Variants in CADM2 observed in about 807,000 individuals in gnomAD.
CADM2 encodes immunoglobulin superfamily member 4D.
A neutral mutation model predicts 49.8 loss-of-function variants in CADM2; 12 were observed. The ratio of observed to expected loss-of-function variants is 0.24; its 90% CI spans 0.15 to 0.39. CADM2 has a LOEUF of 0.39. CADM2 is among the 10% of genes least tolerant of loss of function. The probability of loss-of-function intolerance (pLI) is 1.00; values close to 1 mark genes in which losing one functional copy is unlikely to be tolerated. For missense variants in CADM2, 378 were observed against 492.3 expected (o/e 0.77, Z 2.20); for synonymous variants, 214 against 175.4 (o/e 1.22, Z -1.74).
intron 2 of CADM2, among the ~76,000 whole-genome samples, chr3:85,728,585 A>G (rs1374198204): frequency 6.6e-6 from 1 of 152,174 alleles, no homozygotes; most frequent in East Asian, 1.9e-4. Context: ...AAGATAATAT[A>G]AGAGCAGATG....
chr3:85,411,173 C>CTGAT (rs1322885051), intron 1 of CADM2, among the ~76,000 whole-genome samples: 1 of 152,008 alleles, frequency 6.6e-6, no homozygotes, highest in Non-Finnish European at 1.5e-5. Context: ...TGTGTGGTGG[C>CTGAT]TGATAGAGTG....
chr3:85,812,369 A>C (rs1450142022), intron 3 of CADM2, among the ~76,000 whole-genome samples: 1 of 151,988 alleles, frequency 6.6e-6, no homozygotes, highest in Non-Finnish European at 1.5e-5. Flanking sequence ...TTATAACTGA[A>C]CTATGTACCA....
intron 1 of CADM2, among the ~76,000 whole-genome samples, chr3:85,601,364 A>G (rs2063399965): frequency 1.3e-5 from 2 of 150,820 alleles, no homozygotes; most frequent in African/African-American, 4.8e-5. Context: ...TTTTTATCAG[A>G]TGGGTATTTA....
At chr3:85,938,920 T>A (rs1721494865) in intron 7 of CADM2, among the ~76,000 whole-genome samples, 1 of 152,046 alleles carries the variant, frequency 6.6e-6, no homozygotes, top group South Asian at 2.1e-4. Context: ...ACATTTAATC[T>A]GTGGTCAAAA....
chr3:85,016,790 C>T (rs1394443708), intron 1 of CADM2, among the ~76,000 whole-genome samples: 1 of 142,012 alleles, frequency 7.0e-6, no homozygotes, highest in African/African-American at 2.8e-5. Flanking sequence ...AAGTCTCCAT[C>T]TAAAAAAAAA....
At chr3:85,771,532 A>T (rs957429112) in intron 2 of CADM2, among the ~76,000 whole-genome samples, 2 of 152,100 alleles carry the variant, frequency 1.3e-5, no homozygotes, top group African/African-American at 2.4e-5. Flanking sequence ...AATTAGTTTT[A>T]GCTTTTGAAT....
At chr3:85,824,919 G>T (rs766008747) in intron 3 of CADM2, among the ~76,000 whole-genome samples, 1 of 152,028 alleles carries the variant, frequency 6.6e-6, no homozygotes, top group Non-Finnish European at 1.5e-5. Context: ...TTGAGTAGGG[G>T]TTAATGATAA....
intron 1 of CADM2, among the ~76,000 whole-genome samples, chr3:85,677,485 A>C (rs2065917669): frequency 6.6e-6 from 1 of 152,188 alleles, no homozygotes; most frequent in Non-Finnish European, 1.5e-5. Flanking sequence ...TTTGAAATTT[A>C]TTGTTGTATA....
intron 8 of CADM2, among the ~76,000 whole-genome samples, chr3:85,973,207 A>G (rs1464153284): frequency 6.6e-6 from 1 of 151,734 alleles, no homozygotes; most frequent in Admixed American, 6.6e-5. Context: ...TGTTATTGAT[A>G]AAGCACCTGT....
At chr3:85,430,021 GGAAATTTTGA>G (rs1007007602) in intron 1 of CADM2, among the ~76,000 whole-genome samples, 1 of 152,046 alleles carries the variant, frequency 6.6e-6, no homozygotes, top group Non-Finnish European at 1.5e-5. Context: ...GATTAGATGG[GGAAATTTTGA>G]ATGAACACAT....
At chr3:85,898,367 G>A (rs764770405) in intron 5 of CADM2, among the ~76,000 whole-genome samples, 7 of 151,982 alleles carry the variant, frequency 4.6e-5, no homozygotes, top group African/African-American at 1.7e-4. Context: ...CTGTAGTAGT[G>A]AAACCATCAC....
intron 1 of CADM2, among the ~76,000 whole-genome samples, chr3:85,024,614 TTACTATGATATCGA>T (rs1436119164): frequency 6.6e-6 from 1 of 151,974 alleles, no homozygotes; most frequent in Non-Finnish European, 1.5e-5. Context: ...TTATGAGATG[TTACTATGATATCGA>T]TTTACAGTCA....
intron 1 of CADM2, among the ~76,000 whole-genome samples, chr3:85,248,396 T>C (rs2042698601): frequency 6.6e-6 from 1 of 152,154 alleles, no homozygotes; most frequent in Non-Finnish European, 1.5e-5. Context: ...TGCCTCAGCC[T>C]TCCCAGTAGC....
intron 7 of CADM2, among the ~76,000 whole-genome samples, chr3:85,944,030 C>T (rs184787984): frequency 9.3e-4 from 141 of 152,100 alleles, no homozygotes; most frequent in African/African-American, 3.2e-3. Context: ...GGAAACCCAT[C>T]TCACCTATAG....
chr3:85,402,389 A>T (rs569849381), intron 1 of CADM2, among the ~76,000 whole-genome samples: 3 of 152,120 alleles, frequency 2.0e-5, no homozygotes, highest in Non-Finnish European at 2.9e-5. Flanking sequence ...ATTGGAAAGG[A>T]CATCAAACTC....
chr3:85,871,786 G>T (rs1036970763), intron 3 of CADM2, among the ~76,000 whole-genome samples: 4 of 152,018 alleles, frequency 2.6e-5, no homozygotes, highest in African/African-American at 9.7e-5. Context: ...TGAGACATTA[G>T]GTTTATCTAC....
intron 1 of CADM2, among the ~76,000 whole-genome samples, chr3:85,295,732 T>G (rs574381895): frequency 6.6e-6 from 1 of 151,522 alleles, no homozygotes; most frequent in Non-Finnish European, 1.5e-5. Context: ...AACAATTAGA[T>G]CACATGGACA....
chr3:85,078,063 C>T (rs913516729), intron 1 of CADM2, among the ~76,000 whole-genome samples: 48 of 151,862 alleles, frequency 3.2e-4, no homozygotes, highest in East Asian at 1.3e-3. Context: ...TTAAATTATA[C>T]GTGGAATGTA....
intron 1 of CADM2, among the ~76,000 whole-genome samples, chr3:85,585,019 G>A (rs1368033954): frequency 3.9e-5 from 6 of 152,044 alleles, no homozygotes; most frequent in South Asian, 2.1e-4. Flanking sequence ...CTTCAACTGC[G>A]GTTGAAAAAT....
Sources: gnomAD v4.1 joint callset for allele counts (sites outside exome capture counted in the v4.1 genomes callset) on GRCh38, gnomAD v4.1.1 for gene constraint, MANE v1.5 for transcripts, NCBI Gene and HGNC (gene_info 2026-07-23, HGNC 2026-07-21) for gene names.